Variants in LRIG1 observed in about 807,000 individuals in gnomAD.
LRIG1 encodes leucine-rich repeats and immunoglobulin-like domains protein 1.
LRIG1 carries 48 observed loss-of-function variants against 99.2 expected under a neutral mutation model. The ratio of observed to expected loss-of-function variants is 0.48; its 90% CI spans 0.38 to 0.62. LRIG1 has a LOEUF of 0.62. LRIG1 is among the 20% of genes least tolerant of loss of function. The pLI is 0.00. For synonymous variants in LRIG1, 772 were observed against 596.1 expected, an observed-to-expected ratio of 1.29 and a Z score of -4.30; for missense variants, 1,646 against 1,434.4, an observed-to-expected ratio of 1.15 and a Z score of -2.38.
At chr3:66,437,750 C>T (rs553670919) in intron 3 of LRIG1, among the ~76,000 whole-genome samples, 1 of 152,246 alleles carries the variant, frequency 6.6e-6, no homozygotes, top group African/African-American at 2.4e-5. Flanking sequence ...ATCAGCCCCT[C>T]ACCCCAGCCC....
At position 66,381,374 on chromosome 3, in the gene LRIG1, G is replaced by A. The variant is rs918379742; in HGVS notation, c.2770+105C>T. On this transcript the variant is annotated intron_variant, in intron 17 of 18. Coordinates refer to ENST00000273261, the MANE Select transcript of LRIG1 (RefSeq NM_015541.3). ...GTATATACTGAATACCAAATTTGGA[G>A]ACAGCTGTGGACTAGGAATGTGTCT... 6.9e-6 allele frequency: 8 copies of A among 1,160,450 alleles called. No individual in the cohort carries two copies. The South Asian group carries it at 8.9e-5, about 13-fold the overall frequency. 71.9% of individuals were successfully genotyped at this position (1,160,450 alleles called of 1,614,324 possible). A position where few individuals can be genotyped will look rare whatever the true frequency, so the allele number is the denominator to read the frequency against.
At chr3:66,413,084 G>C (rs1373682698) in intron 5 of LRIG1, 70 bp from the exon 6 acceptor site, 1 of 1,571,398 alleles carries the variant, frequency 6.4e-7, no homozygotes. Flanking sequence ...TTCTGAAGCA[G>C]TCCTGGCTAA....
At chr3:66,483,347 T>C (rs1332647196) in intron 1 of LRIG1, among the ~76,000 whole-genome samples, 3 of 152,204 alleles carry the variant, frequency 2.0e-5, no homozygotes, top group Admixed American at 1.3e-4. Context: ...GTCTCACATC[T>C]GAAGTCCAAG....
chr3:66,412,373 G>A (rs1201539741), intron 6 of LRIG1, among the ~76,000 whole-genome samples: 1 of 152,212 alleles, frequency 6.6e-6, no homozygotes, highest in Non-Finnish European at 1.5e-5. Flanking sequence ...AAGAAGCAGG[G>A]GCGGGGGCAG....
chr3:66,442,000 G>C (rs1262997026), intron 3 of LRIG1, among the ~76,000 whole-genome samples: 2 of 152,184 alleles, frequency 1.3e-5, no homozygotes, highest in African/African-American at 4.8e-5. Context: ...AGCAACGCCT[G>C]CCAATATCAG....
At chr3:66,412,746 G>A (rs1253458581) in intron 6 of LRIG1, 125 bp downstream of exon 6, 32 of 1,106,410 alleles carry the variant, frequency 2.9e-5, no homozygotes, top group Non-Finnish European at 3.4e-5. Flanking sequence ...TGGTGTGGGC[G>A]CACACACCCA....
In LRIG1 at chr3:66,500,381, G is replaced by T. The variant is rs750006563; in HGVS notation, c.27C>A (p.Leu9=). The change falls in exon 1 of 19, where the codon CTC becomes CTA. Residue 9 remains leucine (L), a synonymous_variant. Coordinates refer to ENST00000273261, the MANE Select transcript of LRIG1 (RefSeq NM_015541.3). The part of the protein sequence containing the change: MARPVRGG[L]GAPRRSPCLL... ...GGCAAGGCGAGCGGCGCGGGGCCCC[G>T]AGCCCTCCCCGGACCGGCCGCGCCA... 2.0e-6 allele frequency: 3 copies of T among 1,470,726 alleles called. No individual in the cohort carries two copies. The highest frequency in any genetic ancestry group is 1.3e-5 in the South Asian group (1 of 74,638). The allele number at this position is 1,470,726 out of a possible 1,614,324, so 91.1% of individuals were successfully genotyped here.
chr3:66,385,392 G>A (rs963724859), intron 13 of LRIG1, among the ~76,000 whole-genome samples: 19 of 152,188 alleles, frequency 1.2e-4, no homozygotes, highest in African/African-American at 4.3e-4. Flanking sequence ...AGATCTCTTG[G>A]CTTATAGAGG....
At chr3:66,458,012 G>A (rs1421403928) in intron 2 of LRIG1, among the ~76,000 whole-genome samples, 1 of 152,268 alleles carries the variant, frequency 6.6e-6, no homozygotes, top group African/African-American at 2.4e-5. Flanking sequence ...GCCAAGGTTA[G>A]CACAGGTTTT....
intron 11 of LRIG1, among the ~76,000 whole-genome samples, chr3:66,394,970 A>G (rs1406839055): frequency 6.6e-6 from 1 of 152,230 alleles, no homozygotes; most frequent in African/African-American, 2.4e-5. Context: ...AAAACAGAGA[A>G]TATTTTCTTT....
At chr3:66,444,068 G>A (rs1290826532) in intron 3 of LRIG1, among the ~76,000 whole-genome samples, 6 of 152,314 alleles carry the variant, frequency 3.9e-5, no homozygotes, top group Non-Finnish European at 7.3e-5. Flanking sequence ...TCAGATACGA[G>A]TGACTGATAA....
intron 1 of LRIG1, among the ~76,000 whole-genome samples, chr3:66,492,147 A>C (rs939904955): frequency 4.6e-5 from 7 of 152,226 alleles, no homozygotes; most frequent in Admixed American, 3.9e-4. Flanking sequence ...CTTTCAAACA[A>C]AAGAGCACTG....
rs1702211839 is a variant in LRIG1 at position 66,405,061 on chromosome 3, G to A, written c.1160+137C>T. On this transcript the variant is annotated intron_variant, in intron 9 of 18. Coordinates refer to ENST00000273261, the MANE Select transcript of LRIG1 (RefSeq NM_015541.3). ...AAACTCTTCTCCACAAACAAAACAAGCTCTGCCCCAAACAAAAGCCAGCTC... is the reference window on the plus strand; with the variant it reads ...AAACTCTTCTCCACAAACAAAACAAACTCTGCCCCAAACAAAAGCCAGCTC... 8.5e-6 allele frequency: 6 copies of A among 708,180 alleles called. No individual in the cohort carries two copies. In the South Asian group the frequency reaches 1.0e-4, roughly 12 times the overall value. The allele number at this position is 708,180 out of a possible 1,614,324, so 43.9% of individuals were successfully genotyped here.
rs756111108 is a variant in LRIG1, at chr3:66,451,597, G to A, written c.327C>T (p.Ser109=). ...CGACATGTGATGAAGCAGCGCCCAG[G>A]GATGGTACCGCTGTCAACTCATTAT... ...LNNNELTAVP[S]LGAASSHVVS... is the part of the protein sequence containing the mutation. The change falls in exon 3 of 19, where the codon TCC becomes TCT. Residue 109 remains serine (S), a synonymous_variant. Coordinates refer to ENST00000273261, the MANE Select transcript of LRIG1 (RefSeq NM_015541.3). 3 of 1,613,924 alleles carry A rather than the reference G, an allele frequency of 1.9e-6. No homozygotes were observed. In the South Asian group the frequency reaches 3.3e-5, roughly 18 times the overall value.
intron 3 of LRIG1, among the ~76,000 whole-genome samples, chr3:66,426,318 A>T (rs1023074694): frequency 6.6e-6 from 1 of 152,188 alleles, no homozygotes; most frequent in African/African-American, 2.4e-5. Flanking sequence ...ATGTTCCAAT[A>T]AAACTTTATT....
rs1293335189 is a variant in LRIG1 at position 66,379,915 on chromosome 3, C to G, written c.*348G>C. ...GGCACCAGAACTATTTCCCCACCCC[C>G]TCCAAAATTAAACAGCAACCTGATA... On this transcript the variant is annotated 3_prime_UTR_variant, in exon 19 of 19. Transcript: ENST00000273261. 1 of 177,488 alleles carries G rather than the reference C, an allele frequency of 5.6e-6. No homozygotes were observed. Among genetic ancestry groups the G allele is most frequent in the Non-Finnish European group, 1.2e-5 (1 of 83,992 alleles). 11.0% of individuals were successfully genotyped at this position (177,488 alleles called of 1,614,324 possible).
chr3:66,466,041 T>C (rs532519759), intron 1 of LRIG1, among the ~76,000 whole-genome samples: 28 of 152,140 alleles, frequency 1.8e-4, no homozygotes, highest in African/African-American at 6.0e-4. Context: ...CAGAATTTCA[T>C]TTTTTTTAGA....
chr3:66,382,514 C>T (rs1701137914), intron 15 of LRIG1, 116 bp from the exon 16 acceptor site: 1 of 1,194,482 alleles, frequency 8.4e-7, no homozygotes. Flanking sequence ...CAGCGCTGTG[C>T]AGAGAGATGA....
chr3:66,468,159 G>A (rs1182296134), intron 1 of LRIG1, among the ~76,000 whole-genome samples: 1 of 152,164 alleles, frequency 6.6e-6, no homozygotes, highest in African/African-American at 2.4e-5. Context: ...GTTATTCAAA[G>A]CTGGTGAACA....
Sources: gnomAD v4.1 joint callset for allele counts (sites outside exome capture counted in the v4.1 genomes callset) on GRCh38, gnomAD v4.1.1 for gene constraint, MANE v1.5 for transcripts, NCBI Gene and HGNC (gene_info 2026-07-23, HGNC 2026-07-21) for gene names.